The following IPO7 variants were observed in gnomAD, a reference collection of about 807,000 sequenced individuals.
IPO7 encodes the protein importin 7.
IPO7 carries 13 observed loss-of-function variants against 136.4 expected under a neutral mutation model. The observed-to-expected ratio is 0.10, with a 90% confidence interval of 0.06 to 0.15. IPO7 has a LOEUF of 0.15. IPO7 is among the 10% of genes least tolerant of loss of function. The probability of loss-of-function intolerance (pLI) is 1.00; values close to 1 mark genes in which losing one functional copy is unlikely to be tolerated. For missense variants in IPO7, 857 were observed against 1,240.6 expected (o/e 0.69, Z 4.65); for synonymous variants, 403 against 404.4 (o/e 1.00, Z 0.04).
In IPO7 at chr11:9,434,962, A is replaced by G. The variant is rs1486869377; in HGVS notation, c.2103A>G (p.Val701=). The change falls in exon 19 of 25, where the codon GTA becomes GTG. Residue 701 remains valine (V), a synonymous_variant. Coordinates refer to ENST00000379719, the MANE Select transcript of IPO7 (RefSeq NM_006391.3). ...TGATGCCCCTCCTTCATAATTATGT[A>G]ACAGTTGATACAGACACACTTCTGT... is the stretch of plus-strand genomic sequence containing the variant. The part of the protein sequence containing the change: ...TDMMPLLHNY[V]TVDTDTLLSD... 6.2e-7 allele frequency: 1 copy of G among 1,603,452 alleles called. No individual in the cohort carries two copies. Among genetic ancestry groups the G allele is most frequent in the Non-Finnish European group, 8.5e-7 (1 of 1,170,730 alleles).
At chr11:9,408,215 G>T (rs1025402012) in intron 2 of IPO7, among the ~76,000 whole-genome samples, 2 of 151,888 alleles carry the variant, frequency 1.3e-5, no homozygotes, top group Non-Finnish European at 2.9e-5. Flanking sequence ...AAAGTGTTGT[G>T]ACGTTAAAAA....
rs1819030755 is a variant in IPO7 at position 9,433,560 on chromosome 11, T to C, written c.1882-10T>C. ...TGTAACTGCATATGATTTTTTTTCT[T>C]CTCTTTTAGATAACCCAACAGCTTG... On this transcript the variant is annotated splice_polypyrimidine_tract_variant and intron_variant, in intron 16 of 24. Coordinates refer to ENST00000379719, the MANE Select transcript of IPO7 (RefSeq NM_006391.3). 1 of 1,608,058 alleles carries C rather than the reference T, an allele frequency of 6.2e-7. No individual in the cohort carries two copies. The highest frequency in any genetic ancestry group is 1.7e-5 in the Admixed American group (1 of 59,948).
At chr11:9,387,183 G>A (rs1854563093) in intron 1 of IPO7, among the ~76,000 whole-genome samples, 1 of 152,232 alleles carries the variant, frequency 6.6e-6, no homozygotes, top group African/African-American at 2.4e-5. Context: ...TTCCAGTGAA[G>A]CTGTGTTTTG....
chr11:9,443,144 A>T lies in IPO7; in HGVS notation c.3019+947A>T, dbSNP rs564270608. Among the ~76,000 whole-genome samples, 25 of 152,032 alleles carry T rather than the reference A, an allele frequency of 1.6e-4. No homozygotes were observed. The South Asian group carries it at 4.6e-3, about 28-fold the overall frequency. ...CTTGAACCCAGGAGGCAGAGGTTGC[A>T]GTGAGCCGACATCACGCCATTGCAC... On this transcript the variant is annotated intron_variant, in intron 24 of 24. Coordinates refer to ENST00000379719, the MANE Select transcript of IPO7 (RefSeq NM_006391.3).
At chr11:9,412,917 GTC>G in intron 4 of IPO7, among the ~76,000 whole-genome samples, 2 of 146,314 alleles carry the variant, frequency 1.4e-5, no homozygotes, top group East Asian at 2.0e-4. Context: ...TTGAGACGGA[GTC>G]TCTCTCTGTT....
At chr11:9,414,463 C>A (rs755357340) in intron 5 of IPO7, 52 bp downstream of exon 5, 3 of 1,174,372 alleles carry the variant, frequency 2.6e-6, no homozygotes, top group South Asian at 1.6e-5. Flanking sequence ...TGTCATTTAC[C>A]GTGTTAAAAA....
intron 15 of IPO7, 71 bp downstream of exon 15, chr11:9,429,905 C>G (rs1855268246): frequency 6.0e-6 from 7 of 1,170,478 alleles, no homozygotes; most frequent in Non-Finnish European, 8.3e-6. Context: ...GGTTGTGTCA[C>G]CAGTGGCTTG....
chr11:9,441,246 T>TA (rs903960259), intron 23 of IPO7, among the ~76,000 whole-genome samples: 13 of 152,336 alleles, frequency 8.5e-5, no homozygotes, highest in Non-Finnish European at 1.9e-4. Context: ...CGTACACTGT[T>TA]AAATATTCCA....
intron 21 of IPO7, 52 bp from the exon 22 acceptor site, chr11:9,438,028 T>G: frequency 1.3e-6 from 2 of 1,559,376 alleles, no homozygotes; most frequent in Non-Finnish European, 1.7e-6. Flanking sequence ...ACTCTGCTTA[T>G]TTAAGAAAAG....
At chr11:9,424,191 G>A (rs1855171853) in intron 10 of IPO7, among the ~76,000 whole-genome samples, 1 of 152,166 alleles carries the variant, frequency 6.6e-6, no homozygotes, top group East Asian at 1.9e-4. Context: ...ATATGAGTGG[G>A]AAATGAGAAA....
intron 22 of IPO7, 56 bp downstream of exon 22, chr11:9,438,341 A>C (rs1855412600): frequency 1.7e-6 from 2 of 1,148,914 alleles, no homozygotes; most frequent in Non-Finnish European, 2.6e-6. Context: ...ATATTACCGC[A>C]CTGGGCCGGG....
intron 5 of IPO7, among the ~76,000 whole-genome samples, chr11:9,415,174 TAGTC>T (rs919714226): frequency 2.0e-5 from 3 of 151,404 alleles, no homozygotes; most frequent in African/African-American, 7.3e-5. Flanking sequence ...CAAAAAAAAT[TAGTC>T]AGGCTTGGTG....
intron 1 of IPO7, among the ~76,000 whole-genome samples, chr11:9,387,830 C>CA: frequency 6.8e-6 from 1 of 146,248 alleles, no homozygotes; most frequent in Non-Finnish European, 1.5e-5. Flanking sequence ...GACTCCATCT[C>CA]AAAAAAATTA....
At position 9,429,838 on chromosome 11, in the gene IPO7, T is replaced by A; in HGVS notation, c.1752+4T>A. The A allele has an allele frequency of 6.3e-7, 1 of 1,583,244 alleles. No homozygotes were observed. The highest frequency in any genetic ancestry group is 8.6e-7 in the Non-Finnish European group (1 of 1,166,886). ...AGTAGAAATGACACAACATTTGGTA[T>A]GTTGTTTGAACCTACCATATTTGCA... On this transcript the variant is annotated splice_donor_region_variant and intron_variant, in intron 15 of 24. Coordinates refer to ENST00000379719, the MANE Select transcript of IPO7 (RefSeq NM_006391.3).
chr11:9,392,743 G>A (rs540169795), intron 1 of IPO7, among the ~76,000 whole-genome samples: 11 of 152,036 alleles, frequency 7.2e-5, no homozygotes, highest in South Asian at 6.2e-4. Flanking sequence ...GAGGTCAGGC[G>A]TTTAAGACCA....
chr11:9,442,440 G>A (rs11042353), intron 24 of IPO7, among the ~76,000 whole-genome samples: 48,119 of 151,498 alleles, frequency 0.32, 9,241 homozygotes, highest in Non-Finnish European at 0.43. Flanking sequence ...TTGAGATGGC[G>A]TCTTGCTCTG....
At chr11:9,422,870 TA>T in intron 8 of IPO7, 135 bp from the exon 9 acceptor site, 1 of 470,634 alleles carries the variant, frequency 2.1e-6, no homozygotes. Flanking sequence ...TGAGTTAAAT[TA>T]TTTTTCAAAG....
At position 9,430,892 on chromosome 11, in the gene IPO7, A is replaced by T. The variant is rs1271411553; in HGVS notation, c.1770A>T (p.Gln590His). Residue 590 changes from glutamine (Q) to histidine (H), a missense_variant, in exon 16 of 25, where the codon CAA becomes CAT. Physicochemically the swap from Gln to His is conservative, Grantham distance 24. Around this residue, in one of 11 missense-constraint regions of IPO7, gnomAD observed 58 missense variants for 122.1 expected, o/e 0.47. Coordinates refer to ENST00000379719, the MANE Select transcript of IPO7 (RefSeq NM_006391.3). ...GAATCTAGGCAATGACATTTAACCA[A>T]GTAATCCAGACGGGGCCAGATGAAG... ...MTQHLAMTFNQVIQTGPDEEG... is the reference protein window; with the variant it reads ...MTQHLAMTFNHVIQTGPDEEG... 6.2e-7 allele frequency: 1 copy of T among 1,611,962 alleles called. No homozygotes were observed. The highest frequency in any genetic ancestry group is 1.3e-5 in the African/African-American group (1 of 74,886).
chr11:9,443,408 C>T lies in IPO7; in HGVS notation c.3019+1211C>T, dbSNP rs550772482. On this transcript the variant is annotated intron_variant, in intron 24 of 24. Transcript: ENST00000379719. Reference sequence around the variant, plus strand: ...TAGAGTTCGAGACCAGCCTGACCAACGTGGAGAAACCCCATCTCTACTGCA... The same window carrying T: ...TAGAGTTCGAGACCAGCCTGACCAATGTGGAGAAACCCCATCTCTACTGCA... Among the ~76,000 whole-genome samples the T allele has an allele frequency of 5.3e-5, 8 of 151,268 alleles. No individual in the cohort carries two copies. The East Asian group carries it at 7.9e-4, about 15-fold the overall frequency.
Sources: gnomAD v4.1 joint callset for allele counts (sites outside exome capture counted in the v4.1 genomes callset) on GRCh38, gnomAD v4.1.1 for gene constraint, gnomAD v4.1.1 regional missense constraint, MANE v1.5 for transcripts, NCBI Gene and HGNC (gene_info 2026-07-23, HGNC 2026-07-21) for gene names.